The following FHIT variants were observed in gnomAD, a reference collection of about 807,000 sequenced individuals.
FHIT encodes bis(5'-adenosyl)-triphosphatase.
In FHIT, 19 loss-of-function variants were observed where a neutral mutation model predicts 17.9. The ratio of observed to expected loss-of-function variants is 1.06; its 90% CI spans 0.74 to 1.56. FHIT has a LOEUF of 1.56. Ranked by LOEUF, FHIT falls within the 40% of genes most tolerant of loss-of-function variation. The pLI, the probability that FHIT is intolerant of heterozygous loss-of-function variation, is 0.00. For missense variants in FHIT, 248 were observed against 189.2 expected (o/e 1.31, Z -1.82); for synonymous variants, 81 against 69.7 (o/e 1.16, Z -0.81).
intron 5 of FHIT, among the ~76,000 whole-genome samples, chr3:60,233,981 C>CA (rs1704632808): frequency 6.6e-6 from 1 of 152,148 alleles, no homozygotes; most frequent in Admixed American, 6.5e-5. Context: ...GTCTCAGGTA[C>CA]ATCTTTATTA....
At chr3:60,744,164 C>G (rs1309134166) in intron 4 of FHIT, among the ~76,000 whole-genome samples, 1 of 150,310 alleles carries the variant, frequency 6.7e-6, no homozygotes, top group Non-Finnish European at 1.5e-5. Flanking sequence ...TCTCTCTTGC[C>G]GTCCACAGCA....
intron 4 of FHIT, among the ~76,000 whole-genome samples, chr3:60,623,605 A>G (rs2039196522): frequency 6.6e-6 from 1 of 152,190 alleles, no homozygotes. Context: ...TATGACTTAT[A>G]AAAAACAATT....
intron 5 of FHIT, among the ~76,000 whole-genome samples, chr3:60,120,040 G>T (rs1300598381): frequency 1.3e-5 from 2 of 152,028 alleles, no homozygotes; most frequent in Non-Finnish European, 2.9e-5. Flanking sequence ...GAAGCTTACG[G>T]CACTGTTACC....
intron 3 of FHIT, among the ~76,000 whole-genome samples, chr3:60,865,583 G>T (rs1704119355): frequency 6.6e-6 from 1 of 152,088 alleles, no homozygotes; most frequent in Non-Finnish European, 1.5e-5. Flanking sequence ...CTCTTAGTAT[G>T]AAGAGAGTCT....
intron 3 of FHIT, among the ~76,000 whole-genome samples, chr3:60,907,340 GTCGGAATCT>G (rs1309223024): frequency 6.6e-6 from 1 of 152,164 alleles, no homozygotes; most frequent in African/African-American, 2.4e-5. Context: ...CAATCACTGG[GTCGGAATCT>G]TCAAAAATAC....
intron 4 of FHIT, among the ~76,000 whole-genome samples, chr3:60,747,799 G>T (rs782507696): frequency 6.6e-6 from 1 of 152,092 alleles, no homozygotes; most frequent in Non-Finnish European, 1.5e-5. Context: ...GGAACCCAAG[G>T]TTCAGAGAGG....
chr3:60,120,005 A>T (rs1187722719), intron 5 of FHIT, among the ~76,000 whole-genome samples: 1 of 152,148 alleles, frequency 6.6e-6, no homozygotes, highest in Non-Finnish European at 1.5e-5. Context: ...TCCCTGCTTA[A>T]AAAATCAGCC....
intron 5 of FHIT, among the ~76,000 whole-genome samples, chr3:60,290,261 C>G (rs140187103): frequency 1.1e-4 from 17 of 152,246 alleles, no homozygotes; most frequent in African/African-American, 3.9e-4. Flanking sequence ...TAAAATGGCT[C>G]CTAATCAGCC....
At chr3:60,372,636 T>C (rs959626025) in intron 5 of FHIT, among the ~76,000 whole-genome samples, 4 of 152,206 alleles carry the variant, frequency 2.6e-5, no homozygotes, top group Admixed American at 1.3e-4. Flanking sequence ...TACTTCCTGA[T>C]GGCAAAAATA....
At chr3:60,279,115 G>A (rs1406208728) in intron 5 of FHIT, among the ~76,000 whole-genome samples, 1 of 151,882 alleles carries the variant, frequency 6.6e-6, no homozygotes, top group Non-Finnish European at 1.5e-5. Context: ...ATTTTCAAAA[G>A]ATCAATAAAA....
chr3:60,393,793 A>AACGGTACTTATCCCC (rs1401579812), intron 5 of FHIT, among the ~76,000 whole-genome samples: 5 of 152,178 alleles, frequency 3.3e-5, no homozygotes, highest in Non-Finnish European at 7.3e-5. Context: ...CCCACATGGC[A>AACGGTACTTATCCCC]ACGATTGCAT....
At chr3:60,636,291 G>C (rs565075547) in intron 4 of FHIT, among the ~76,000 whole-genome samples, 17 of 152,116 alleles carry the variant, frequency 1.1e-4, no homozygotes, top group Non-Finnish European at 2.2e-4. Context: ...GGATGGTCTC[G>C]ATCTCTTGAC....
At position 60,772,186 on chromosome 3, in the gene FHIT, T is replaced by C. The variant is rs60901795; in HGVS notation, c.-18+49733A>G. 1.4e-3 allele frequency among the ~76,000 whole-genome samples: 217 copies of C among 152,032 alleles called. 1 individual carries two copies. The highest frequency in any genetic ancestry group is 5.1e-3 in the African/African-American group (210 of 41,454). On this transcript the variant is annotated intron_variant, in intron 4 of 9. Coordinates refer to ENST00000492590, the MANE Select transcript of FHIT (RefSeq NM_002012.4). Reference sequence around the variant, plus strand: ...AAAAAGTTGCAGTTGGAATTTGGAATGGTTTTGCCCCCATGATGTGCACAC... The same window carrying C: ...AAAAAGTTGCAGTTGGAATTTGGAACGGTTTTGCCCCCATGATGTGCACAC...
rs557461215 is a variant in FHIT at position 60,225,366 on chromosome 3, G to C, written c.104-211214C>G. Among the ~76,000 whole-genome samples, 10 of 152,332 alleles carry C rather than the reference G, an allele frequency of 6.6e-5. No homozygotes were observed. The South Asian group carries it at 1.9e-3, about 28-fold the overall frequency. On this transcript the variant is annotated intron_variant, in intron 5 of 9. Transcript: ENST00000492590. ...TGCCAATGGAACAGAAAATTTGAGAGTTGTGAGATCAATGATACACCAAGT... is the reference window on the plus strand; with the variant it reads ...TGCCAATGGAACAGAAAATTTGAGACTTGTGAGATCAATGATACACCAAGT...
intron 3 of FHIT, among the ~76,000 whole-genome samples, chr3:60,937,072 AG>A (rs1265557734): frequency 1.3e-5 from 2 of 152,222 alleles, no homozygotes; most frequent in Non-Finnish European, 2.9e-5. Flanking sequence ...TAAGCAGGTT[AG>A]ATGTCTTGAA....
chr3:60,718,756 A>T (rs782732156), intron 4 of FHIT, among the ~76,000 whole-genome samples: 10 of 152,220 alleles, frequency 6.6e-5, no homozygotes, highest in Non-Finnish European at 1.0e-4. Context: ...GGTCATTCTA[A>T]GGTCCAATTA....
intron 4 of FHIT, among the ~76,000 whole-genome samples, chr3:60,671,874 CAGG>C (rs1176105837): frequency 3.3e-5 from 5 of 151,828 alleles, no homozygotes; most frequent in African/African-American, 7.3e-5. Context: ...CACTTGAAAC[CAGG>C]AGAAGAAGAT....
At chr3:60,942,770 C>T (rs1708475041) in intron 3 of FHIT, among the ~76,000 whole-genome samples, 4 of 151,750 alleles carry the variant, frequency 2.6e-5, no homozygotes, top group African/African-American at 9.7e-5. Flanking sequence ...TTATTTATAC[C>T]TTTTTAATTG....
chr3:60,916,448 TC>T (rs1477207816), intron 3 of FHIT, among the ~76,000 whole-genome samples: 4 of 152,204 alleles, frequency 2.6e-5, no homozygotes, highest in African/African-American at 9.6e-5. Context: ...TGCCAACTGA[TC>T]CTTTCTCTCT....
Sources: allele counts gnomAD v4.1 joint callset (sites outside exome capture counted in the v4.1 genomes callset), GRCh38; gene constraint gnomAD v4.1.1; transcripts MANE v1.5; gene names NCBI Gene and HGNC (gene_info 2026-07-23, HGNC 2026-07-21).